The following LPP variants were observed in gnomAD, a reference collection of about 807,000 sequenced individuals.
LPP encodes LIM domain containing preferred translocation partner in lipoma.
LPP carries 38 observed loss-of-function variants against 60.4 expected under a neutral mutation model. The observed-to-expected ratio is 0.63, with a 90% CI of 0.49 to 0.83. LPP has a LOEUF of 0.83. LPP is among the 40% of genes least tolerant of loss of function. The probability of loss-of-function intolerance (pLI) is 0.00; values close to 1 mark genes in which losing one functional copy is unlikely to be tolerated. For missense variants in LPP, 902 were observed against 783.6 expected, an observed-to-expected ratio of 1.15 and a Z score of -1.80; for synonymous variants, 328 against 290.8, an observed-to-expected ratio of 1.13 and a Z score of -1.30.
At chr3:188,734,753 G>A (rs1045146174) in intron 8 of LPP, among the ~76,000 whole-genome samples, 1 of 152,242 alleles carries the variant, frequency 6.6e-6, no homozygotes, top group African/African-American at 2.4e-5. Context: ...GCACGGATTA[G>A]ATGACCTGTG....
At chr3:188,830,956 A>G (rs1756998725) in intron 9 of LPP, among the ~76,000 whole-genome samples, 1 of 152,210 alleles carries the variant, frequency 6.6e-6, no homozygotes, top group Admixed American at 6.5e-5. Flanking sequence ...GTTTTTGTGA[A>G]ATCTCAATCC....
chr3:188,160,700 G>A (rs1296756918), intron 1 of LPP, among the ~76,000 whole-genome samples: 1 of 152,138 alleles, frequency 6.6e-6, no homozygotes, highest in Non-Finnish European at 1.5e-5. Context: ...TATTGAGTTC[G>A]GTACTTGTGT....
intron 3 of LPP, among the ~76,000 whole-genome samples, chr3:188,372,928 A>G (rs1160467647): frequency 3.3e-5 from 5 of 151,848 alleles, no homozygotes; most frequent in African/African-American, 9.7e-5. Flanking sequence ...TCATTGTTCA[A>G]TTCCCACCTA....
intron 4 of LPP, among the ~76,000 whole-genome samples, chr3:188,456,937 T>C (rs1797867528): frequency 1.3e-5 from 2 of 152,216 alleles, no homozygotes; most frequent in African/African-American, 4.8e-5. Context: ...TCACTCCTTG[T>C]AGAAGTTAGG....
At chr3:188,381,327 C>T (rs1776824582) in intron 3 of LPP, among the ~76,000 whole-genome samples, 1 of 152,168 alleles carries the variant, frequency 6.6e-6, no homozygotes, top group South Asian at 2.1e-4. Flanking sequence ...CTTCTTTCCT[C>T]TTCTGCTCTC....
intron 3 of LPP, among the ~76,000 whole-genome samples, chr3:188,368,807 G>T (rs1772099717): frequency 6.6e-6 from 1 of 151,514 alleles, no homozygotes; most frequent in Non-Finnish European, 1.5e-5. Context: ...CCCTCTATAG[G>T]ACCTCGAATG....
At chr3:188,706,196 C>A (rs949053792) in intron 7 of LPP, among the ~76,000 whole-genome samples, 1 of 152,168 alleles carries the variant, frequency 6.6e-6, no homozygotes, top group African/African-American at 2.4e-5. Flanking sequence ...ATAAGTCAGT[C>A]AAGGATGAGC....
At chr3:188,447,589 G>A (rs1049601661) in intron 4 of LPP, among the ~76,000 whole-genome samples, 6 of 140,266 alleles carry the variant, frequency 4.3e-5, no homozygotes, top group East Asian at 2.1e-4. Flanking sequence ...CAGCCTGGGC[G>A]ACAGAGTGAG....
At chr3:188,433,609 AGAG>A (rs1301859786) in intron 4 of LPP, among the ~76,000 whole-genome samples, 4 of 143,756 alleles carry the variant, frequency 2.8e-5, no homozygotes, top group Non-Finnish European at 4.5e-5. Context: ...TGAGAGAGAG[AGAG>A]AGAGAGAGAG....
chr3:188,867,074 G>A (rs1766826632), intron 10 of LPP, among the ~76,000 whole-genome samples: 1 of 151,874 alleles, frequency 6.6e-6, no homozygotes, highest in Non-Finnish European at 1.5e-5. Flanking sequence ...CAAGATCAAG[G>A]CCAGTTATTC....
intron 7 of LPP, among the ~76,000 whole-genome samples, chr3:188,623,386 T>A (rs1846187762): frequency 6.6e-6 from 1 of 150,566 alleles, no homozygotes; most frequent in South Asian, 2.1e-4. Context: ...GCCTCCAGAG[T>A]AGGTGGGATT....
At chr3:188,368,701 CACACACACACACACACACAGAG>C (rs1358094868) in intron 3 of LPP, among the ~76,000 whole-genome samples, 1 of 121,736 alleles carries the variant, frequency 8.2e-6, no homozygotes, top group Non-Finnish European at 1.8e-5. Context: ...CACACACACA[CACACACACACACACACACAGAG>C]AGAGAGAGAG....
intron 1 of LPP, among the ~76,000 whole-genome samples, chr3:188,161,252 A>T (rs1376951230): frequency 1.3e-5 from 2 of 152,182 alleles, no homozygotes; most frequent in African/African-American, 2.4e-5. Flanking sequence ...GACTGAGGGC[A>T]GGTTAAGACC....
chr3:188,760,390 C>T, intron 9 of LPP, 108 bp downstream of exon 9: 1 of 1,100,636 alleles, frequency 9.1e-7, no homozygotes, highest in South Asian at 1.4e-5. Context: ...TCTTCCTAGA[C>T]TTCAAAATGT....
intron 6 of LPP, among the ~76,000 whole-genome samples, chr3:188,539,002 GTGGCC>G (rs1334175289): frequency 1.3e-5 from 2 of 152,216 alleles, no homozygotes; most frequent in African/African-American, 4.8e-5. Flanking sequence ...GTGGTTGCCA[GTGGCC>G]AGGGGGAGGG....
chr3:188,419,821 T>C (rs1197911735), intron 4 of LPP, among the ~76,000 whole-genome samples: 1 of 152,134 alleles, frequency 6.6e-6, no homozygotes, highest in African/African-American at 2.4e-5. Context: ...ACACAGAAGG[T>C]GGAGGTTGCT....
chr3:188,424,256 G>T (rs1008521745), intron 4 of LPP, among the ~76,000 whole-genome samples: 2 of 152,154 alleles, frequency 1.3e-5, no homozygotes, highest in African/African-American at 4.8e-5. Context: ...TCAGAGATCA[G>T]ATGGTTGTAG....
intron 3 of LPP, among the ~76,000 whole-genome samples, chr3:188,392,248 A>G (rs977149755): frequency 1.3e-5 from 2 of 152,210 alleles, no homozygotes; most frequent in South Asian, 2.1e-4. Context: ...GGGAATTCCT[A>G]TTTATCAGAA....
chr3:188,785,541 T>C (rs1468809059), intron 9 of LPP, among the ~76,000 whole-genome samples: 3 of 77,642 alleles, frequency 3.9e-5, no homozygotes, highest in African/African-American at 1.1e-4. Flanking sequence ...CCATCATATA[T>C]ATATATACAC....
Sources: gnomAD v4.1 joint callset for allele counts (sites outside exome capture counted in the v4.1 genomes callset) on GRCh38, gnomAD v4.1.1 for gene constraint, MANE v1.5 for transcripts, NCBI Gene and HGNC (gene_info 2026-07-23, HGNC 2026-07-21) for gene names.